Variants in PCDHGB1 observed in about 807,000 individuals in gnomAD.
PCDHGB1 encodes the protein protocadherin gamma-B1.
A neutral mutation model predicts 56.6 loss-of-function variants in PCDHGB1; 34 were observed. That is an observed-to-expected ratio of 0.60 (90% CI 0.46 to 0.80). The LOEUF is 0.80. PCDHGB1 is among the 30% of genes least tolerant of loss of function. PCDHGB1 has a pLI of 0.00. For synonymous variants in PCDHGB1, 561 were observed against 505.9 expected (o/e 1.11, Z -1.46); for missense variants, 1,278 against 1,204.6 (o/e 1.06, Z -0.90).
chr5:141,488,552 A>C (rs993681273), intron 1 of PCDHGB1, among the ~76,000 whole-genome samples: 1 of 152,194 alleles, frequency 6.6e-6, no homozygotes, highest in African/African-American at 2.4e-5. Context: ...GTCAGCTGAC[A>C]TTGAGATTTC....
intron 1 of PCDHGB1, among the ~76,000 whole-genome samples, chr5:141,464,022 TG>T (rs948245337): frequency 1.3e-5 from 2 of 151,716 alleles, no homozygotes; most frequent in African/African-American, 4.8e-5. Context: ...TCCCACACTT[TG>T]GGAGGCCAAG....
At chr5:141,449,349 G>A (rs191322076) in intron 1 of PCDHGB1, among the ~76,000 whole-genome samples, 2 of 151,956 alleles carry the variant, frequency 1.3e-5, no homozygotes, top group African/African-American at 4.8e-5. Flanking sequence ...GCTCACTCCT[G>A]TAATCCCAGC....
intron 1 of PCDHGB1, chr5:141,422,371 C>A: frequency 6.4e-7 from 1 of 1,567,208 alleles, no homozygotes; most frequent in South Asian, 1.2e-5. Context: ...AGAAAATGGT[C>A]AAGTCTCCTG....
chr5:141,490,396 A>G lies in PCDHGB1; in HGVS notation c.2410-4411A>G. ...GGACTCAGGTAGAAATGGTGAAGTGAGCCTTGATATCTCTCCGGACCTGCC... is the reference window on the plus strand; with the variant it reads ...GGACTCAGGTAGAAATGGTGAAGTGGGCCTTGATATCTCTCCGGACCTGCC... On this transcript the variant is annotated intron_variant, in intron 1 of 3. Coordinates refer to ENST00000523390, the MANE Select transcript of PCDHGB1 (RefSeq NM_018922.3). The surrounding 1 kb of genome is among the most constrained non-coding windows in gnomAD (Gnocchi z 5.4). 1 of 1,614,146 alleles carries G rather than the reference A, an allele frequency of 6.2e-7. No homozygotes were observed. The highest frequency in any genetic ancestry group is 8.5e-7 in the Non-Finnish European group (1 of 1,180,030).
At chr5:141,480,240 C>CA (rs11374694) in intron 1 of PCDHGB1, among the ~76,000 whole-genome samples, 21,591 of 113,808 alleles carry the variant, frequency 0.19, 1,578 homozygotes, top group Admixed American at 0.21. Context: ...CCTGTCTCTA[C>CA]AAAAAAAAAA....
At chr5:141,419,674 C>T (rs372932653) in intron 1 of PCDHGB1, 48 of 1,612,820 alleles carry the variant, frequency 3.0e-5, no homozygotes, top group Non-Finnish European at 3.7e-5. Context: ...CCTGGCTGTC[C>T]TACCACGTGG....
intron 1 of PCDHGB1, chr5:141,356,781 C>G: frequency 6.2e-7 from 1 of 1,613,996 alleles, no homozygotes; most frequent in Non-Finnish European, 8.5e-7. Context: ...AGTTTAGAGA[C>G]CTGCAGCTGC....
chr5:141,384,154 A>G, intron 1 of PCDHGB1: 3 of 1,613,512 alleles, frequency 1.9e-6, no homozygotes, highest in Non-Finnish European at 2.5e-6. Flanking sequence ...CTCTTTGTAT[A>G]ACATCACACT....
At chr5:141,488,348 C>T (rs1231687770) in intron 1 of PCDHGB1, among the ~76,000 whole-genome samples, 1 of 152,106 alleles carries the variant, frequency 6.6e-6, no homozygotes, top group Non-Finnish European at 1.5e-5. Flanking sequence ...TAGAAACAGC[C>T]ACCCTGTGCA....
chr5:141,389,705 G>A (rs770533850), intron 1 of PCDHGB1: 2 of 1,612,552 alleles, frequency 1.2e-6, no homozygotes, highest in Admixed American at 3.3e-5. Context: ...ACCACGTGCT[G>A]CAGGCTAGCG....
At chr5:141,402,859 G>A (rs1314987043) in intron 1 of PCDHGB1, 8 of 1,428,738 alleles carry the variant, frequency 5.6e-6, no homozygotes, top group Non-Finnish European at 7.4e-6. Flanking sequence ...TTCTTCTAAG[G>A]AAAAGATCAC....
chr5:141,407,497 G>GTTTTTTTTTTTTTTTTTTTTTTTTTT (rs1554102286), intron 1 of PCDHGB1, among the ~76,000 whole-genome samples: 1 of 152,086 alleles, frequency 6.6e-6, no homozygotes, highest in African/African-American at 2.4e-5. Context: ...CTTTATTTCT[G>GTTTTTTTTTTTTTTTTTTTTTTTTTT]TTTTTCTTAG....
chr5:141,478,657 G>A, intron 1 of PCDHGB1: 2 of 1,551,912 alleles, frequency 1.3e-6, no homozygotes, highest in Non-Finnish European at 1.7e-6. Flanking sequence ...TCCTGGTGAT[G>A]CATTCACACT....
chr5:141,383,308 G>A, intron 1 of PCDHGB1: 1 of 1,613,976 alleles, frequency 6.2e-7, no homozygotes, highest in Non-Finnish European at 8.5e-7. Context: ...CTTGACGGAA[G>A]AAATAAATGT....
At position 141,476,151 on chromosome 5, in the gene PCDHGB1, G is replaced by A; in HGVS notation, c.2410-18656G>A. Reference sequence around the variant, plus strand: ...GAGGCCTGGAGGAGCGGACTGGTAAGCACCGGGAGGGTAGTGGGAGTTTTG... The same window carrying A: ...GAGGCCTGGAGGAGCGGACTGGTAAACACCGGGAGGGTAGTGGGAGTTTTG... On this transcript the variant is annotated intron_variant, in intron 1 of 3. Transcript: ENST00000523390. This position sits in a 1 kb window ranked among gnomAD's most constrained non-coding sequence, Gnocchi z 7.6. 1 of 1,612,022 alleles carries A rather than the reference G, an allele frequency of 6.2e-7. No individual in the cohort carries two copies. Among genetic ancestry groups the A allele is most frequent in the Admixed American group, 1.7e-5 (1 of 60,014 alleles).
intron 1 of PCDHGB1, chr5:141,428,224 G>A (rs1232582892): frequency 1.7e-6 from 2 of 1,164,198 alleles, no homozygotes; most frequent in Non-Finnish European, 1.3e-6. Flanking sequence ...AGTCTTCGCA[G>A]ACAGCCTGCA....
chr5:141,427,440 G>T (rs747459662), intron 1 of PCDHGB1: 3 of 477,366 alleles, frequency 6.3e-6, no homozygotes, highest in South Asian at 3.1e-5. Flanking sequence ...CCTCATAAAC[G>T]AAAGAGTTCC....
chr5:141,442,472 C>T (rs1032989256), intron 1 of PCDHGB1: 1 of 152,204 alleles, frequency 6.6e-6, no homozygotes, highest in Non-Finnish European at 1.5e-5. Context: ...GCAGAAAGCC[C>T]CTTGGGGAAG....
rs758172004 is a variant in PCDHGB1, at chr5:141,477,909, C to T, written c.2410-16898C>T. On this transcript the variant is annotated intron_variant, in intron 1 of 3. Transcript: ENST00000523390. This position sits in a 1 kb window ranked among gnomAD's most constrained non-coding sequence, Gnocchi z 4.9. ...GTGTCACGGGTGGTAGGCTGGGACGCGGATGCAGGGCACAATGCCTGGCTC... is the reference window on the plus strand; with the variant it reads ...GTGTCACGGGTGGTAGGCTGGGACGTGGATGCAGGGCACAATGCCTGGCTC... 2 of 1,614,166 alleles carry T rather than the reference C, an allele frequency of 1.2e-6. No individual in the cohort carries two copies. Among genetic ancestry groups the T allele is most frequent in the Admixed American group, 1.7e-5 (1 of 60,016 alleles).
Sources: gnomAD v4.1 joint callset for allele counts (sites outside exome capture counted in the v4.1 genomes callset) on GRCh38, gnomAD v4.1.1 for gene constraint, Gnocchi (gnomAD v3.1) non-coding constraint, MANE v1.5 for transcripts, NCBI Gene and HGNC (gene_info 2026-07-23, HGNC 2026-07-21) for gene names.